CNTN5: variants seen among roughly 807,000 people sequenced by gnomAD.
CNTN5 encodes the protein contactin 5, also known as contactin-5.
Under a neutral mutation model 129.1 loss-of-function variants are expected in CNTN5, and 77 were observed. That is an observed-to-expected ratio of 0.60 (90% CI 0.50 to 0.72). The LOEUF (loss-of-function observed/expected upper bound fraction) is 0.72. Ranked by LOEUF, CNTN5 falls within the 30% of genes least tolerant of loss-of-function variation. The pLI is 0.00. For synonymous variants in CNTN5, 509 were observed against 465.6 expected, an observed-to-expected ratio of 1.09 and a Z score of -1.20; for missense variants, 1,478 against 1,328.8, an observed-to-expected ratio of 1.11 and a Z score of -1.75.
intron 3 of CNTN5, among the ~76,000 whole-genome samples, chr11:99,650,737 A>G (rs374222938): frequency 2.6e-5 from 4 of 151,972 alleles, no homozygotes; most frequent in African/African-American, 9.7e-5. Flanking sequence ...GTAGTAGTTC[A>G]ACATTCCAAT....
At chr11:99,874,491 T>G (rs1948584404) in intron 6 of CNTN5, among the ~76,000 whole-genome samples, 1 of 152,136 alleles carries the variant, frequency 6.6e-6, no homozygotes, top group African/African-American at 2.4e-5. Context: ...GGAGGGAATA[T>G]CTAGTTGTGT....
intron 16 of CNTN5, among the ~76,000 whole-genome samples, chr11:100,239,081 G>T (rs1191102146): frequency 1.3e-5 from 2 of 152,150 alleles, no homozygotes; most frequent in East Asian, 3.8e-4. Flanking sequence ...TAACTGAGCT[G>T]ATGAAATCTT....
chr11:100,065,625 C>T lies in CNTN5; in HGVS notation c.1162+4232C>T, dbSNP rs79222254. 2.6e-5 allele frequency among the ~76,000 whole-genome samples: 4 copies of T among 151,968 alleles called. No individual in the cohort carries two copies. In the East Asian group the frequency reaches 7.8e-4, roughly 29 times the overall value. On this transcript the variant is annotated intron_variant, in intron 10 of 24. Transcript: ENST00000524871. ...ACCCATTAATAACAAATAGTAGAAC[C>T]AGAATCCAACTGAAACTGGCAGTGA...
At chr11:100,159,878 A>T (rs563869458) in intron 13 of CNTN5, among the ~76,000 whole-genome samples, 2 of 151,898 alleles carry the variant, frequency 1.3e-5, no homozygotes, top group South Asian at 4.1e-4. Flanking sequence ...TTCTTCAGGC[A>T]GTGTTTTTTT....
At chr11:99,885,058 G>A (rs11221762) in intron 6 of CNTN5, among the ~76,000 whole-genome samples, 44,196 of 152,016 alleles carry the variant, frequency 0.29, 6,799 homozygotes, top group African/African-American at 0.32. Flanking sequence ...TGAGGAGAGT[G>A]TATCACCTTA....
At chr11:100,334,973 C>A in intron 21 of CNTN5, among the ~76,000 whole-genome samples, 4 of 105,500 alleles carry the variant, frequency 3.8e-5, no homozygotes, top group African/African-American at 9.1e-5. Flanking sequence ...TTTTTTAAAA[C>A]TTGATAAGTA....
At chr11:99,158,286 G>T (rs1315582443) in intron 1 of CNTN5, among the ~76,000 whole-genome samples, 1 of 151,992 alleles carries the variant, frequency 6.6e-6, no homozygotes, top group East Asian at 1.9e-4. Context: ...TGTATGTCAG[G>T]CAAAGAACCA....
intron 2 of CNTN5, among the ~76,000 whole-genome samples, chr11:99,433,241 TAGA>T (rs1250652868): frequency 3.9e-5 from 6 of 152,186 alleles, no homozygotes; most frequent in Middle Eastern, 3.4e-3. Context: ...CAATCTTGTT[TAGA>T]AGAAGGGAAG....
rs371409630 is a variant in CNTN5, at chr11:99,569,460, T to A, written c.55+13191T>A. Among the ~76,000 whole-genome samples, 17 of 152,170 alleles carry A rather than the reference T, an allele frequency of 1.1e-4. No homozygotes were observed. The South Asian group carries it at 1.2e-3, about 11-fold the overall frequency. Reference sequence around the variant, plus strand: ...TCCCGAGTAGCTGGGATTACAGGTGTGCACCACCATGCCTGGCTAATTTTT... The same window carrying A: ...TCCCGAGTAGCTGGGATTACAGGTGAGCACCACCATGCCTGGCTAATTTTT... On this transcript the variant is annotated intron_variant, in intron 3 of 24. Coordinates refer to ENST00000524871, the MANE Select transcript of CNTN5 (RefSeq NM_014361.4).
At chr11:99,143,455 T>G (rs1192571492) in intron 1 of CNTN5, among the ~76,000 whole-genome samples, 1 of 150,518 alleles carries the variant, frequency 6.6e-6, no homozygotes. Flanking sequence ...ATCAACAAAT[T>G]GACTGAACCA....
At chr11:99,736,865 T>C (rs183129436) in intron 3 of CNTN5, among the ~76,000 whole-genome samples, 1 of 152,256 alleles carries the variant, frequency 6.6e-6, no homozygotes, top group East Asian at 1.9e-4. Context: ...GTTCTTTCTA[T>C]CACCTTTCAC....
At chr11:100,152,526 C>A (rs1199048367) in intron 13 of CNTN5, among the ~76,000 whole-genome samples, 1 of 152,056 alleles carries the variant, frequency 6.6e-6, no homozygotes, top group African/African-American at 2.4e-5. Flanking sequence ...CCCATTTAGG[C>A]TGATGAAGCT....
intron 17 of CNTN5, among the ~76,000 whole-genome samples, chr11:100,270,320 G>A (rs768114951): frequency 6.3e-4 from 96 of 152,182 alleles, no homozygotes; most frequent in African/African-American, 1.9e-3. Context: ...CTCCCACCCC[G>A]GCTCTACTGC....
chr11:100,044,101 C>T (rs183591412), intron 9 of CNTN5, among the ~76,000 whole-genome samples: 2,280 of 129,290 alleles, frequency 0.018, 57 homozygotes, highest in African/African-American at 0.058. Context: ...TGTATATATA[C>T]ACACACACAC....
At chr11:100,041,597 G>C (rs941031081) in intron 9 of CNTN5, among the ~76,000 whole-genome samples, 2 of 152,194 alleles carry the variant, frequency 1.3e-5, no homozygotes, top group Admixed American at 1.3e-4. Context: ...CTCTGGTTTG[G>C]AAGATAAGAA....
chr11:99,088,745 C>T (rs1363830348), intron 1 of CNTN5, among the ~76,000 whole-genome samples: 1 of 152,142 alleles, frequency 6.6e-6, no homozygotes, highest in East Asian at 1.9e-4. Flanking sequence ...AAAGAAATCA[C>T]TGCATGTCAA....
At chr11:100,108,040 CG>C (rs1185887748) in intron 13 of CNTN5, among the ~76,000 whole-genome samples, 36 of 143,570 alleles carry the variant, frequency 2.5e-4, no homozygotes, top group African/African-American at 8.3e-4. Context: ...TAAAGGCATT[CG>C]AAGTGCATTG....
intron 3 of CNTN5, among the ~76,000 whole-genome samples, chr11:99,596,815 G>A (rs955303139): frequency 1.2e-4 from 19 of 152,042 alleles, no homozygotes; most frequent in African/African-American, 3.9e-4. Flanking sequence ...TCAGGCCAAA[G>A]GATTCAAAAC....
chr11:99,283,222 CA>C (rs1188862670), intron 1 of CNTN5, among the ~76,000 whole-genome samples: 8 of 152,028 alleles, frequency 5.3e-5, no homozygotes, highest in African/African-American at 1.9e-4. Context: ...AAAGTATTTA[CA>C]AATGGTTTAA....
Sources: gnomAD v4.1 joint callset for allele counts (sites outside exome capture counted in the v4.1 genomes callset) on GRCh38, gnomAD v4.1.1 for gene constraint, MANE v1.5 for transcripts, NCBI Gene and HGNC (gene_info 2026-07-23, HGNC 2026-07-21) for gene names.